The following GAREM1 variants were observed in gnomAD, a reference collection of about 807,000 sequenced individuals.
GAREM1 encodes GRB2-associated and regulator of MAPK protein 1.
GAREM1 carries 26 observed loss-of-function variants against 71.3 expected under a neutral mutation model. The ratio of observed to expected loss-of-function variants is 0.36; its 90% confidence interval spans 0.27 to 0.51. The LOEUF is 0.51. Ranked by LOEUF, GAREM1 falls within the 20% of genes least tolerant of loss-of-function variation. GAREM1 has a pLI of 0.95. For missense variants in GAREM1, 1,026 were observed against 1,103.1 expected (o/e 0.93, Z 0.99); for synonymous variants, 440 against 433.2 (o/e 1.02, Z -0.20).
At position 32,467,468 on chromosome 18, in the gene GAREM1, CGAG is replaced by C. The variant is rs201890989; in HGVS notation, c.121+2837_121+2839del. Among the ~76,000 whole-genome samples the C allele has an allele frequency of 2.8e-3, 432 of 152,224 alleles. 4 individuals are homozygous for C. The highest frequency in any genetic ancestry group is 9.7e-3 in the African/African-American group (402 of 41,530). On this transcript the variant is annotated intron_variant, in intron 1 of 5. Coordinates refer to ENST00000269209, the MANE Select transcript of GAREM1 (RefSeq NM_001242409.2). Reference sequence around the variant, plus strand: ...ATTCCACTCCACCATTTACTAGGTACGAGTCTTCAGGCAAGTCAATTTTTCTGA... The same window carrying C: ...ATTCCACTCCACCATTTACTAGGTACTCTTCAGGCAAGTCAATTTTTCTGA...
chr18:32,276,856 G>A (rs2041549719), intron 4 of GAREM1, among the ~76,000 whole-genome samples: 1 of 152,104 alleles, frequency 6.6e-6, no homozygotes, highest in South Asian at 2.1e-4. Flanking sequence ...GAGAAGTGAA[G>A]AAGGCTGAAC....
At chr18:32,374,093 A>G (rs2048011373) in intron 2 of GAREM1, among the ~76,000 whole-genome samples, 1 of 152,216 alleles carries the variant, frequency 6.6e-6, no homozygotes. Flanking sequence ...ACCAAAGACC[A>G]TGAACCCAGC....
chr18:32,341,571 T>C (rs917550288), intron 2 of GAREM1, among the ~76,000 whole-genome samples: 4 of 152,226 alleles, frequency 2.6e-5, no homozygotes, highest in African/African-American at 9.7e-5. Context: ...TCCACAATGG[T>C]TGAACTAGTT....
chr18:32,462,676 T>A (rs558771997), intron 1 of GAREM1, among the ~76,000 whole-genome samples: 6 of 152,362 alleles, frequency 3.9e-5, no homozygotes, highest in African/African-American at 1.4e-4. Context: ...ATCCAAAAAA[T>A]CCTCGCCTAG....
chr18:32,355,407 C>T lies in GAREM1; in HGVS notation c.262+37488G>A, dbSNP rs1567976660. ...TATTTGGAGTCGATGCATTTTTACA[C>T]ATGACTATTTTATCTAGATTTCTAT... On this transcript the variant is annotated intron_variant, in intron 2 of 5. Coordinates refer to ENST00000269209, the MANE Select transcript of GAREM1 (RefSeq NM_001242409.2). 2.0e-5 allele frequency among the ~76,000 whole-genome samples: 3 copies of T among 151,536 alleles called. No individual in the cohort carries two copies. The South Asian group carries it at 6.2e-4, about 31-fold the overall frequency.
At chr18:32,293,576 T>C (rs925692599) in intron 3 of GAREM1, among the ~76,000 whole-genome samples, 1 of 152,228 alleles carries the variant, frequency 6.6e-6, no homozygotes, top group African/African-American at 2.4e-5. Flanking sequence ...TATTATACTT[T>C]ATACTATTAT....
intron 2 of GAREM1, among the ~76,000 whole-genome samples, chr18:32,386,928 C>T (rs528188831): frequency 4.6e-5 from 7 of 152,144 alleles, no homozygotes; most frequent in Non-Finnish European, 1.5e-5. Flanking sequence ...AGTAGATCTC[C>T]ATTTTATAGA....
At chr18:32,449,742 T>C (rs2048816994) in intron 1 of GAREM1, among the ~76,000 whole-genome samples, 4 of 152,254 alleles carry the variant, frequency 2.6e-5, no homozygotes, top group Admixed American at 2.6e-4. Flanking sequence ...CCAGAATTAT[T>C]ATTTCTTATC....
chr18:32,462,680 C>T (rs986746675), intron 1 of GAREM1, among the ~76,000 whole-genome samples: 6 of 152,168 alleles, frequency 3.9e-5, no homozygotes, highest in African/African-American at 1.2e-4. Context: ...AAAAAATCCT[C>T]GCCTAGTCTA....
chr18:32,388,804 C>G (rs1320878004), intron 2 of GAREM1, among the ~76,000 whole-genome samples: 1 of 152,112 alleles, frequency 6.6e-6, no homozygotes, highest in African/African-American at 2.4e-5. Flanking sequence ...AATAAGTGGT[C>G]CTAGACTGGA....
chr18:32,265,659 C>G lies in GAREM1; in HGVS notation c.*2212G>C, dbSNP rs1346520456. ...AAAAATACACCAAGTCCAAAACAAG[C>G]AAAAAGAATTTAAAACCCTATTTTG... On this transcript the variant is annotated 3_prime_UTR_variant, in exon 6 of 6. Coordinates refer to ENST00000269209, the MANE Select transcript of GAREM1 (RefSeq NM_001242409.2). 5 of 151,866 alleles carry G rather than the reference C, an allele frequency of 3.3e-5. No individual in the cohort carries two copies. Among genetic ancestry groups the G allele is most frequent in the African/African-American group, 7.3e-5 (3 of 41,346 alleles). 9.4% of individuals were successfully genotyped at this position (151,866 alleles called of 1,614,324 possible). A position where few individuals can be genotyped will look rare whatever the true frequency, so the allele number is the denominator to read the frequency against.
chr18:32,358,040 T>C (rs536713553), intron 2 of GAREM1, among the ~76,000 whole-genome samples: 1 of 152,144 alleles, frequency 6.6e-6, no homozygotes, highest in Non-Finnish European at 1.5e-5. Context: ...ACCTGCCTCC[T>C]CACTTCAGGG....
At chr18:32,377,514 C>T (rs1458200788) in intron 2 of GAREM1, among the ~76,000 whole-genome samples, 1 of 152,202 alleles carries the variant, frequency 6.6e-6, no homozygotes, top group Non-Finnish European at 1.5e-5. Flanking sequence ...TGGCCACATG[C>T]TCCACGGCTG....
At chr18:32,345,351 A>G (rs997956969) in intron 2 of GAREM1, among the ~76,000 whole-genome samples, 3 of 152,160 alleles carry the variant, frequency 2.0e-5, no homozygotes, top group African/African-American at 7.2e-5. Context: ...TCATTTTTGA[A>G]ATATAATTAC....
chr18:32,414,865 G>A (rs115326494), intron 1 of GAREM1, among the ~76,000 whole-genome samples: 2,086 of 151,790 alleles, frequency 0.014, 49 homozygotes, highest in African/African-American at 0.047. Flanking sequence ...AATCAGAGCA[G>A]AAATAAATGA....
intron 1 of GAREM1, among the ~76,000 whole-genome samples, chr18:32,428,276 T>A (rs1467756353): frequency 6.6e-6 from 1 of 152,194 alleles, no homozygotes; most frequent in East Asian, 1.9e-4. Context: ...GAGACAACTT[T>A]TGGGAGTTCT....
At chr18:32,326,080 T>A (rs2047472543) in intron 2 of GAREM1, among the ~76,000 whole-genome samples, 1 of 152,178 alleles carries the variant, frequency 6.6e-6, no homozygotes, top group South Asian at 2.1e-4. Context: ...CTCCAGAATA[T>A]GAGACATCAA....
chr18:32,265,257 T>A lies in GAREM1; in HGVS notation c.*2614A>T, dbSNP rs2041356828. The A allele has an allele frequency of 6.6e-6, 1 of 151,228 alleles. No homozygotes were observed. Among genetic ancestry groups the A allele is most frequent in the African/African-American group, 2.4e-5 (1 of 41,074 alleles). The allele number at this position is 151,228 out of a possible 1,614,324, so 9.4% of individuals were successfully genotyped here. On this transcript the variant is annotated 3_prime_UTR_variant, in exon 6 of 6. Transcript: ENST00000269209. ...TACAATTAAAAGAATTCCAGGTCAGTAAAAAAAACAAAAAACAAAAAACAA... is the reference window on the plus strand; with the variant it reads ...TACAATTAAAAGAATTCCAGGTCAGAAAAAAAAACAAAAAACAAAAAACAA...
chr18:32,308,871 T>C (rs1322183114), intron 3 of GAREM1, among the ~76,000 whole-genome samples: 1 of 150,200 alleles, frequency 6.7e-6, no homozygotes, highest in Non-Finnish European at 1.5e-5. Context: ...AGAAATGACT[T>C]AGCTTAGACA....
Sources: gnomAD v4.1 joint callset for allele counts (sites outside exome capture counted in the v4.1 genomes callset) on GRCh38, gnomAD v4.1.1 for gene constraint, MANE v1.5 for transcripts, NCBI Gene and HGNC (gene_info 2026-07-23, HGNC 2026-07-21) for gene names.